Variants in MYO3B observed in about 807,000 individuals in gnomAD.
The protein encoded by MYO3B is myosin-IIIb.
In MYO3B, 156 loss-of-function variants were observed where a neutral mutation model predicts 174.6. The observed-to-expected ratio is 0.89, with a 90% CI of 0.78 to 1.02. The LOEUF is 1.02. Among genes scored for constraint, MYO3B ranks in the 50% least tolerant of loss-of-function variants. The pLI is 0.00. For missense variants in MYO3B, 1,632 were observed against 1,639.4 expected (o/e 1.00, Z 0.08); for synonymous variants, 563 against 569.1 (o/e 0.99, Z 0.15).
At chr2:170,282,481 A>G (rs2093519222) in intron 7 of MYO3B, among the ~76,000 whole-genome samples, 1 of 152,178 alleles carries the variant, frequency 6.6e-6, no homozygotes, top group Non-Finnish European at 1.5e-5. Flanking sequence ...TTTTTATACC[A>G]ATACGATGCT....
At chr2:170,617,130 A>C (rs940114471) in intron 32 of MYO3B, among the ~76,000 whole-genome samples, 1 of 152,216 alleles carries the variant, frequency 6.6e-6, no homozygotes, top group African/African-American at 2.4e-5. Flanking sequence ...GTTTGAATAG[A>C]TGGACGTAAT....
At chr2:170,621,725 C>T (rs185746649) in intron 32 of MYO3B, among the ~76,000 whole-genome samples, 25 of 151,368 alleles carry the variant, frequency 1.7e-4, no homozygotes, top group Admixed American at 1.5e-3. Context: ...TTGGTCAGGC[C>T]GGTCTCAAAC....
intron 30 of MYO3B, among the ~76,000 whole-genome samples, chr2:170,540,400 A>C (rs904907073): frequency 2.6e-5 from 4 of 152,148 alleles, no homozygotes; most frequent in African/African-American, 4.8e-5. Context: ...GTATGTATCC[A>C]TGCAATAAGC....
At chr2:170,647,742 T>C (rs1162342907) in intron 32 of MYO3B, among the ~76,000 whole-genome samples, 2 of 152,114 alleles carry the variant, frequency 1.3e-5, no homozygotes, top group Non-Finnish European at 2.9e-5. Context: ...CTTAATTCCT[T>C]ATAAGAATCA....
chr2:170,362,807 A>C (rs1018248870), intron 8 of MYO3B, among the ~76,000 whole-genome samples: 1 of 152,206 alleles, frequency 6.6e-6, no homozygotes, highest in Non-Finnish European at 1.5e-5. Flanking sequence ...TATTCCACCA[A>C]ACAGGGGGGT....
chr2:170,283,911 A>T (rs2093533527), intron 7 of MYO3B, among the ~76,000 whole-genome samples: 1 of 152,240 alleles, frequency 6.6e-6, no homozygotes, highest in African/African-American at 2.4e-5. Flanking sequence ...AAAGATGCAT[A>T]CATGTACATC....
intron 32 of MYO3B, among the ~76,000 whole-genome samples, chr2:170,642,270 G>C (rs557003617): frequency 6.6e-6 from 1 of 152,182 alleles, no homozygotes; most frequent in East Asian, 1.9e-4. Flanking sequence ...TGGTTTCAGG[G>C]GAAGTTATTG....
At chr2:170,544,760 C>T (rs983320189) in intron 32 of MYO3B, among the ~76,000 whole-genome samples, 1 of 152,152 alleles carries the variant, frequency 6.6e-6, no homozygotes, top group African/African-American at 2.4e-5. Context: ...CTATATGGAT[C>T]TTAAACTCTT....
intron 6 of MYO3B, among the ~76,000 whole-genome samples, chr2:170,225,661 A>T (rs1032622637): frequency 6.6e-6 from 1 of 152,214 alleles, no homozygotes; most frequent in African/African-American, 2.4e-5. Context: ...CAGTTTGAAT[A>T]AAAAAGCACA....
intron 7 of MYO3B, among the ~76,000 whole-genome samples, chr2:170,266,829 C>T (rs2093387384): frequency 6.6e-6 from 1 of 152,232 alleles, no homozygotes; most frequent in Non-Finnish European, 1.5e-5. Flanking sequence ...CAACACTTGG[C>T]ATCCTCTGCC....
chr2:170,284,482 T>A (rs1574715367), intron 7 of MYO3B, among the ~76,000 whole-genome samples: 1 of 151,712 alleles, frequency 6.6e-6, no homozygotes, highest in Admixed American at 6.6e-5. Context: ...GCAGGCAGAG[T>A]GAGGACTCTG....
intron 32 of MYO3B, among the ~76,000 whole-genome samples, chr2:170,632,973 T>G (rs2105393886): frequency 6.6e-6 from 1 of 152,184 alleles, no homozygotes; most frequent in Non-Finnish European, 1.5e-5. Context: ...ATTGAGGCAA[T>G]AACTAACAGC....
chr2:170,636,957 CGTGTGTGTGTGTGTGTGTGT>C (rs3047156), intron 32 of MYO3B, among the ~76,000 whole-genome samples: 3 of 146,578 alleles, frequency 2.0e-5, no homozygotes, highest in African/African-American at 5.1e-5. Context: ...TGCTTTTGTG[CGTGTGTGTGTGTGTGTGTGT>C]GTGTGTGTGT....
intron 32 of MYO3B, among the ~76,000 whole-genome samples, chr2:170,610,561 A>G (rs914838608): frequency 1.3e-5 from 2 of 152,204 alleles, no homozygotes; most frequent in African/African-American, 4.8e-5. Flanking sequence ...AGATACCTAC[A>G]TATGTTTCTT....
chr2:170,188,236 T>C (rs1430789057), intron 1 of MYO3B, among the ~76,000 whole-genome samples: 16 of 152,186 alleles, frequency 1.1e-4, no homozygotes, highest in Admixed American at 1.0e-3. Context: ...AGTTTTTGTC[T>C]TGAAATCTAT....
intron 7 of MYO3B, among the ~76,000 whole-genome samples, chr2:170,327,595 T>C (rs924785661): frequency 6.6e-6 from 1 of 152,178 alleles, no homozygotes; most frequent in African/African-American, 2.4e-5. Context: ...CCCCATCTAA[T>C]GTTCTCCTTA....
In MYO3B at chr2:170,386,422, C is replaced by T. The variant is rs2094375788; in HGVS notation, c.1374+150C>T. ...TACGTTTGCCTCCTGATAGCGAGGC[C>T]TCTTAAGATGTCAGCATGCTATCCT... On this transcript the variant is annotated intron_variant, in intron 13 of 34. Coordinates refer to ENST00000408978, the MANE Select transcript of MYO3B (RefSeq NM_138995.5). 3 of 581,762 alleles carry T rather than the reference C, an allele frequency of 5.2e-6. No individual in the cohort carries two copies. The African/African-American group carries it at 5.7e-5, about 11-fold the overall frequency. 36.0% of individuals were successfully genotyped at this position (581,762 alleles called of 1,614,324 possible). A position where few individuals can be genotyped will look rare whatever the true frequency, so the allele number is the denominator to read the frequency against.
chr2:170,355,845 A>G (rs907522590), intron 8 of MYO3B, among the ~76,000 whole-genome samples: 1 of 152,224 alleles, frequency 6.6e-6, no homozygotes, highest in African/African-American at 2.4e-5. Flanking sequence ...TGATAGATTT[A>G]GCAATGGATT....
At chr2:170,398,875 T>C (rs1320494369) in intron 16 of MYO3B, among the ~76,000 whole-genome samples, 3 of 152,210 alleles carry the variant, frequency 2.0e-5, no homozygotes, top group Non-Finnish European at 4.4e-5. Context: ...TTGTGAATAC[T>C]GTATTTTTGA....
Sources: gnomAD v4.1 joint callset for allele counts (sites outside exome capture counted in the v4.1 genomes callset) on GRCh38, gnomAD v4.1.1 for gene constraint, MANE v1.5 for transcripts, NCBI Gene and HGNC (gene_info 2026-07-23, HGNC 2026-07-21) for gene names.